Variants in MAP3K4 observed in about 807,000 individuals in gnomAD.
The protein encoded by MAP3K4 is mitogen-activated protein kinase kinase kinase 4, also known as MAP three kinase 1.
In MAP3K4, 67 loss-of-function variants were observed where a neutral mutation model predicts 185.6. That is an observed-to-expected ratio of 0.36 (90% CI 0.30 to 0.44). MAP3K4 has a LOEUF of 0.44. MAP3K4 is among the 20% of genes least tolerant of loss of function. MAP3K4 has a pLI of 1.00. For missense variants in MAP3K4, 1,551 were observed against 1,995.1 expected (o/e 0.78, Z 4.24); for synonymous variants, 702 against 710.4 (o/e 0.99, Z 0.19).
rs767691915 is a variant in MAP3K4, at chr6:161,106,748, G to A, written c.4048+43G>A. ...CATGATGTCAAGATAGTCCCTGTTAGAAGTAGCAATAGTTATACTTCTTTA... is the reference window on the plus strand; with the variant it reads ...CATGATGTCAAGATAGTCCCTGTTAAAAGTAGCAATAGTTATACTTCTTTA... On this transcript the variant is annotated intron_variant, in intron 20 of 26. Transcript: ENST00000392142. The surrounding 1 kb of genome is among the most constrained non-coding windows in gnomAD (Gnocchi z 4.9). The A allele has an allele frequency of 1.4e-5, 21 of 1,502,238 alleles. No homozygotes were observed. Among genetic ancestry groups the A allele is most frequent in the Non-Finnish European group, 1.7e-5 (19 of 1,100,212 alleles). 93.1% of individuals were successfully genotyped at this position (1,502,238 alleles called of 1,614,324 possible).
Position 161,097,160 on chromosome 6 carries a change from A to G in MAP3K4, c.3508A>G (p.Thr1170Ala). 6.2e-7 allele frequency: 1 copy of G among 1,613,348 alleles called. No individual in the cohort carries two copies. Among genetic ancestry groups the G allele is most frequent in the African/African-American group, 1.3e-5 (1 of 74,850 alleles). ...TCCTAACCCACACCTCATTATCCCC[A>G]CTCCAGAGGGATTCAGGTATTTGGT... is the stretch of plus-strand genomic sequence containing the variant. ...DPPNPHLIIP[T>A]PEGFSTRSMP... The change falls in exon 16 of 27, where the codon ACT (threonine) becomes GCT (alanine). Residue 1170 changes from threonine (T) to alanine (A), a missense_variant. Around this residue, in one of 16 missense-constraint regions of MAP3K4, gnomAD observed 272 missense variants for 301.2 expected, o/e 0.90. Transcript: ENST00000392142. The surrounding 1 kb of genome is among the most constrained non-coding windows in gnomAD (Gnocchi z 4.9).
At chr6:160,999,078 A>G (rs905451036) in intron 1 of MAP3K4, among the ~76,000 whole-genome samples, 2 of 152,244 alleles carry the variant, frequency 1.3e-5, no homozygotes, top group Non-Finnish European at 2.9e-5. Flanking sequence ...AAAGCATTTC[A>G]TACATGGATT....
chr6:161,085,173 G>T (rs1328653270), intron 7 of MAP3K4, among the ~76,000 whole-genome samples: 1 of 151,684 alleles, frequency 6.6e-6, no homozygotes, highest in Non-Finnish European at 1.5e-5. Flanking sequence ...AAGATAAAGA[G>T]ATAAAGTTGA....
At chr6:161,025,819 C>G (rs1002648036) in intron 1 of MAP3K4, among the ~76,000 whole-genome samples, 1 of 152,106 alleles carries the variant, frequency 6.6e-6, no homozygotes, top group Non-Finnish European at 1.5e-5. Flanking sequence ...TCTGTAAACT[C>G]TTTTATGTTT....
chr6:161,110,937 C>T lies in MAP3K4; in HGVS notation c.4397-899C>T, dbSNP rs1382973416. Among the ~76,000 whole-genome samples the T allele has an allele frequency of 6.6e-6, 1 of 152,194 alleles. No individual in the cohort carries two copies. The highest frequency in any genetic ancestry group is 2.4e-5 in the African/African-American group (1 of 41,448). On this transcript the variant is annotated intron_variant, in intron 23 of 26. Transcript: ENST00000392142. The surrounding 1 kb of genome is among the most constrained non-coding windows in gnomAD (Gnocchi z 4.8). ...GTCCACTGTCACAAAATGGTGTTTG[C>T]ACGTTTGTTCCGTGGCAGGAAGAGA... is the stretch of plus-strand genomic sequence containing the variant.
rs1308666816 is a variant in MAP3K4, at chr6:161,116,021, G to T, written c.4806+719G>T. 6.6e-6 allele frequency among the ~76,000 whole-genome samples: 1 copy of T among 152,190 alleles called. No homozygotes were observed. The highest frequency in any genetic ancestry group is 2.4e-5 in the African/African-American group (1 of 41,442). On this transcript the variant is annotated intron_variant, in intron 26 of 26. Coordinates refer to ENST00000392142, the MANE Select transcript of MAP3K4 (RefSeq NM_005922.4). The surrounding 1 kb of genome is among the most constrained non-coding windows in gnomAD (Gnocchi z 6.2). Reference sequence around the variant, plus strand: ...TGAGAAGGTTCTGATACAGCCAAGGGGTTGGGAGAGGGCGTTCCGGGTGAG... The same window carrying T: ...TGAGAAGGTTCTGATACAGCCAAGGTGTTGGGAGAGGGCGTTCCGGGTGAG...
Position 161,048,974 on chromosome 6 carries a change from G to C in MAP3K4, c.702G>C (p.Lys234Asn), listed in dbSNP as rs1313398654. Reference sequence around the variant, plus strand: ...TTGAAACTTTACGACTTTTGCTAAAGCTTACCTCAGTCTCAAAGAAAAAAG... The same window carrying C: ...TTGAAACTTTACGACTTTTGCTAAACCTTACCTCAGTCTCAAAGAAAAAAG... ...KFFETLRLLL[K>N]LTSVSKKKDR... The change falls in exon 3 of 27, where the codon AAG becomes AAC. Residue 234 changes from lysine to asparagine, a missense_variant. Around this residue, in one of 16 missense-constraint regions of MAP3K4, gnomAD observed 69 missense variants for 124.8 expected, o/e 0.55. Transcript: ENST00000392142. The surrounding 1 kb of genome is among the most constrained non-coding windows in gnomAD (Gnocchi z 4.7). 6.2e-7 allele frequency: 1 copy of C among 1,613,998 alleles called. No individual in the cohort carries two copies. The highest frequency in any genetic ancestry group is 8.5e-7 in the Non-Finnish European group (1 of 1,179,942).
intron 6 of MAP3K4, among the ~76,000 whole-genome samples, chr6:161,081,831 T>A (rs1785474432): frequency 6.6e-6 from 1 of 152,200 alleles, no homozygotes; most frequent in Non-Finnish European, 1.5e-5. Flanking sequence ...CTTCTCCCAC[T>A]TGTCTCATCA....
In MAP3K4 at chr6:161,089,384, C is replaced by T. The variant is rs768242613; in HGVS notation, c.2886C>T (p.Phe962=). The T allele has an allele frequency of 6.2e-7, 1 of 1,614,184 alleles. No homozygotes were observed. Among genetic ancestry groups the T allele is most frequent in the Non-Finnish European group, 8.5e-7 (1 of 1,180,028 alleles). Residue 962 remains phenylalanine (F), a synonymous_variant, in exon 11 of 27, where the codon TTC becomes TTT. Coordinates refer to ENST00000392142, the MANE Select transcript of MAP3K4 (RefSeq NM_005922.4). ...ATCTCACAATTCAGAGAAAAGCTTT[C>T]CAGCAGTCCATTGAGGGACTTATGA... ...SAHLTIQRKA[F]QQSIEGLMTL...
At chr6:161,041,249 C>T (rs1204786998) in intron 2 of MAP3K4, among the ~76,000 whole-genome samples, 5 of 152,342 alleles carry the variant, frequency 3.3e-5, no homozygotes, top group Middle Eastern at 3.4e-3. Context: ...GACTACCTAT[C>T]GGCAAATCCA....
At chr6:161,016,655 A>G (rs1181846243) in intron 1 of MAP3K4, among the ~76,000 whole-genome samples, 1 of 152,196 alleles carries the variant, frequency 6.6e-6, no homozygotes, top group Admixed American at 6.5e-5. Context: ...CCCTAGACAT[A>G]CGAGTTTATA....
chr6:161,032,842 AGCTTTCAG>A (rs1283886557), intron 1 of MAP3K4, among the ~76,000 whole-genome samples: 1 of 152,202 alleles, frequency 6.6e-6, no homozygotes, highest in African/African-American at 2.4e-5. Context: ...GTTTGAAGTT[AGCTTTCAG>A]GGCATTTAAC....
At position 161,114,354 on chromosome 6, in the gene MAP3K4, A is replaced by G. The variant is rs1006605760; in HGVS notation, c.4627-769A>G. On this transcript the variant is annotated intron_variant, in intron 25 of 26. Coordinates refer to ENST00000392142, the MANE Select transcript of MAP3K4 (RefSeq NM_005922.4). This position sits in a 1 kb window ranked among gnomAD's most constrained non-coding sequence, Gnocchi z 4.3. ...TATAGCAAAAAAGTTAGAAACCTTC[A>G]TTTCTAAGTTAAAAGTTAGTGTTAA... 6.6e-6 allele frequency among the ~76,000 whole-genome samples: 1 copy of G among 152,230 alleles called. No individual in the cohort carries two copies. Among genetic ancestry groups the G allele is most frequent in the South Asian group, 2.1e-4 (1 of 4,830 alleles).
At chr6:161,066,311 T>C (rs1784712289) in intron 3 of MAP3K4, among the ~76,000 whole-genome samples, 1 of 152,152 alleles carries the variant, frequency 6.6e-6, no homozygotes, top group Non-Finnish European at 1.5e-5. Context: ...TTTCTCCCCT[T>C]TTCCTTTTGT....
rs1371411881 is a variant in MAP3K4, at chr6:161,064,450, C to T, written c.1708-6158C>T. Among the ~76,000 whole-genome samples, 2 of 150,416 alleles carry T rather than the reference C, an allele frequency of 1.3e-5. No individual in the cohort carries two copies. The highest frequency in any genetic ancestry group is 4.9e-5 in the African/African-American group (2 of 41,022). On this transcript the variant is annotated intron_variant, in intron 3 of 26. Coordinates refer to ENST00000392142, the MANE Select transcript of MAP3K4 (RefSeq NM_005922.4). This position sits in a 1 kb window ranked among gnomAD's most constrained non-coding sequence, Gnocchi z 4.3. ...CATTATTTTCCAACTTCTTAAACTG[C>T]TGCCTTTTTTTTTTTACATTAAATT...
chr6:161,070,943 A>G lies in MAP3K4; in HGVS notation c.1950+93A>G. ...TTTTGAGAGTTCCTTTTTTTTTCTT[A>G]ATTGTCGCAAATAGTGAAAAATGAC... On this transcript the variant is annotated intron_variant, in intron 4 of 26. Coordinates refer to ENST00000392142, the MANE Select transcript of MAP3K4 (RefSeq NM_005922.4). This position sits in a 1 kb window ranked among gnomAD's most constrained non-coding sequence, Gnocchi z 4.5. 1 of 1,149,082 alleles carries G rather than the reference A, an allele frequency of 8.7e-7. No individual in the cohort carries two copies. Among genetic ancestry groups the G allele is most frequent in the Non-Finnish European group, 1.2e-6 (1 of 842,352 alleles). The allele number at this position is 1,149,082 out of a possible 1,614,324, so 71.2% of individuals were successfully genotyped here. A position where few individuals can be genotyped will look rare whatever the true frequency, so the allele number is the denominator to read the frequency against.
rs1454626738 is a variant in MAP3K4 at position 161,008,852 on chromosome 6, A to T, written c.152+16769A>T. Reference sequence around the variant, plus strand: ...AGGTTCATCTATGTTGTTTTGGTTGATGGTGGTTCTTTCATTCTTGCTACT... The same window carrying T: ...AGGTTCATCTATGTTGTTTTGGTTGTTGGTGGTTCTTTCATTCTTGCTACT... On this transcript the variant is annotated intron_variant, in intron 1 of 26. Transcript: ENST00000392142. This position sits in a 1 kb window ranked among gnomAD's most constrained non-coding sequence, Gnocchi z 4.1. Among the ~76,000 whole-genome samples the T allele has an allele frequency of 1.3e-5, 2 of 151,988 alleles. No individual in the cohort carries two copies. Among genetic ancestry groups the T allele is most frequent in the African/African-American group, 4.8e-5 (2 of 41,352 alleles).
At position 161,087,686 on chromosome 6, in the gene MAP3K4, A is replaced by C; in HGVS notation, c.2557-2A>C. 1 of 1,613,760 alleles carries C rather than the reference A, an allele frequency of 6.2e-7. No individual in the cohort carries two copies. The highest frequency in any genetic ancestry group is 8.5e-7 in the Non-Finnish European group (1 of 1,179,910). On this transcript the variant is annotated splice_acceptor_variant, in intron 9 of 26. Transcript: ENST00000392142. LOFTEE classifies it high-confidence loss of function. This position sits in a 1 kb window ranked among gnomAD's most constrained non-coding sequence, Gnocchi z 4.9. ...TAAGATTTTGGATTATGTCTTTTGC[A>C]GGTGCAAATTCCTGGGTTAGAAAAC...
rs1429842301 is a variant in MAP3K4 at position 161,063,298 on chromosome 6, T to G, written c.1708-7310T>G. Among the ~76,000 whole-genome samples the G allele has an allele frequency of 6.6e-6, 1 of 152,192 alleles. No individual in the cohort carries two copies. Among genetic ancestry groups the G allele is most frequent in the Non-Finnish European group, 1.5e-5 (1 of 68,032 alleles). On this transcript the variant is annotated intron_variant, in intron 3 of 26. Transcript: ENST00000392142. The surrounding 1 kb of genome is among the most constrained non-coding windows in gnomAD (Gnocchi z 5.4). ...TATTTCAGAAATCGGTCTACAATTC[T>G]CATCTGCTTAGTGGACATATCTTTC...
Sources: gnomAD v4.1 joint callset for allele counts (sites outside exome capture counted in the v4.1 genomes callset) on GRCh38, gnomAD v4.1.1 for gene constraint, gnomAD v4.1.1 regional missense constraint, Gnocchi (gnomAD v3.1) non-coding constraint, MANE v1.5 for transcripts, NCBI Gene and HGNC (gene_info 2026-07-23, HGNC 2026-07-21) for gene names.